Variants in SULT6B1 observed in about 807,000 individuals in gnomAD.
SULT6B1 encodes the protein sulfotransferase family 6B member 1.
Under a neutral mutation model 37.2 loss-of-function variants are expected in SULT6B1, and 44 were observed. The observed-to-expected ratio is 1.18, with a 90% CI of 0.93 to 1.52. The LOEUF is 1.52. SULT6B1 is among the 40% of genes most tolerant of loss of function. The probability of loss-of-function intolerance (pLI) is 0.00; values close to 1 mark genes in which losing one functional copy is unlikely to be tolerated. For missense variants in SULT6B1, 450 were observed against 361.0 expected, an observed-to-expected ratio of 1.25 and a Z score of -2.00; for synonymous variants, 140 against 126.0, an observed-to-expected ratio of 1.11 and a Z score of -0.74.
At chr2:37,185,724 A>AAAAAAAAAC (rs1373136631) in intron 2 of SULT6B1, among the ~76,000 whole-genome samples, 14 of 131,454 alleles carry the variant, frequency 1.1e-4, no homozygotes, top group Admixed American at 1.0e-3. Flanking sequence ...TTTCAAAAAA[A>AAAAAAAAAC]AAAAAAAAAA....
intron 4 of SULT6B1, among the ~76,000 whole-genome samples, chr2:37,176,259 G>GA (rs1676425062): frequency 9.4e-6 from 1 of 106,300 alleles, no homozygotes; most frequent in Non-Finnish European, 1.8e-5. Flanking sequence ...ACACGCAATA[G>GA]CTTTTTTTTT....
At chr2:37,187,690 C>T (rs1242195738) in intron 1 of SULT6B1, among the ~76,000 whole-genome samples, 5 of 152,154 alleles carry the variant, frequency 3.3e-5, no homozygotes, top group African/African-American at 1.2e-4. Flanking sequence ...GAACAGATGG[C>T]TCCTTTAACA....
chr2:37,187,856 A>T (rs1676707171), intron 1 of SULT6B1, among the ~76,000 whole-genome samples: 1 of 148,818 alleles, frequency 6.7e-6, no homozygotes, highest in African/African-American at 2.4e-5. Flanking sequence ...AAAACACAGC[A>T]TCAGTTAAGA....
At chr2:37,176,260 C>CCT (rs1676425162) in intron 4 of SULT6B1, among the ~76,000 whole-genome samples, 1 of 112,590 alleles carries the variant, frequency 8.9e-6, no homozygotes, top group African/African-American at 3.5e-5. Flanking sequence ...CACGCAATAG[C>CCT]TTTTTTTTTT....
chr2:37,172,104 G>A (rs905895617), intron 5 of SULT6B1, among the ~76,000 whole-genome samples: 4 of 150,760 alleles, frequency 2.7e-5, no homozygotes, highest in Non-Finnish European at 4.4e-5. Flanking sequence ...CTAGAGTGGT[G>A]CAAGGGCACA....
At chr2:37,168,281 C>T (rs1572452510) in intron 6 of SULT6B1, among the ~76,000 whole-genome samples, 1 of 152,118 alleles carries the variant, frequency 6.6e-6, no homozygotes, top group Admixed American at 6.6e-5. Context: ...CCTGCCTTAG[C>T]CTACCGAGTA....
At position 37,187,369 on chromosome 2, in the gene SULT6B1, A is replaced by G. The variant is rs1332370440; in HGVS notation, c.298T>C (p.Ser100Pro). The G allele has an allele frequency of 1.3e-6, 2 of 1,597,316 alleles. No individual in the cohort carries two copies. Among genetic ancestry groups the G allele is most frequent in the Non-Finnish European group, 1.7e-6 (2 of 1,166,670 alleles). ...GTTGTACTAACCTGATATTTTTCTG[A>G]ATCCCCACATTCAAGAACTGGGAAT... The part of the protein sequence containing the change: ...PEFPVLECGD[S>P]EKYQRMKGFP... The change falls in exon 2 of 7, where the codon TCA (serine) becomes CCA (proline). Residue 100 changes from serine (S) to proline (P), a missense_variant. Coordinates refer to ENST00000535679, the MANE Select transcript of SULT6B1 (RefSeq NM_001367551.1).
Position 37,179,456 on chromosome 2 carries a change from A to G in SULT6B1, c.529+2T>C. 6.2e-6 allele frequency: 10 copies of G among 1,613,374 alleles called. No homozygotes were observed. The highest frequency in any genetic ancestry group is 8.5e-6 in the Non-Finnish European group (10 of 1,179,920). ...GAATAATTCTTTTACCAACAGCCAT[A>G]CCTTGTCCTTTCATGAACTGTCTGA... is the stretch of plus-strand genomic sequence containing the variant. On this transcript the variant is annotated splice_donor_variant, in intron 4 of 6. Coordinates refer to ENST00000535679, the MANE Select transcript of SULT6B1 (RefSeq NM_001367551.1). LOFTEE classifies it high-confidence loss of function.
chr2:37,188,430 C>T lies in SULT6B1; in HGVS notation c.199+12G>A, dbSNP rs1395709889. 6.2e-7 allele frequency: 1 copy of T among 1,610,090 alleles called. No individual in the cohort carries two copies. Among genetic ancestry groups the T allele is most frequent in the South Asian group, 1.1e-5 (1 of 90,742 alleles). ...TGAGAAGTGTACTTGTAGGAAACGA[C>T]TTGTCATTTACCGCACTTTGGATAA... is the stretch of plus-strand genomic sequence containing the variant. On this transcript the variant is annotated intron_variant, in intron 1 of 6. Transcript: ENST00000535679.
At chr2:37,185,558 A>T (rs1182803234) in intron 2 of SULT6B1, among the ~76,000 whole-genome samples, 1 of 151,960 alleles carries the variant, frequency 6.6e-6, no homozygotes, top group Non-Finnish European at 1.5e-5. Flanking sequence ...CTCTACTAAA[A>T]ATACAAAACA....
At chr2:37,188,192 C>T (rs1182769410) in intron 1 of SULT6B1, among the ~76,000 whole-genome samples, 3 of 152,176 alleles carry the variant, frequency 2.0e-5, no homozygotes, top group East Asian at 1.9e-4. Context: ...CATCCACCCC[C>T]TTCTGCCCTC....
intron 1 of SULT6B1, chr2:37,194,802 T>G (rs1236093051): frequency 6.4e-6 from 1 of 156,596 alleles, no homozygotes; most frequent in African/African-American, 2.4e-5. Flanking sequence ...CCTCTTTTCT[T>G]TTTTTCAATC....
intron 3 of SULT6B1, among the ~76,000 whole-genome samples, chr2:37,181,532 A>G (rs6722371): frequency 0.27 from 41,471 of 151,806 alleles, 6,745 homozygotes; most frequent in East Asian, 0.78. Flanking sequence ...GCGGTGCACC[A>G]CCATGCCCGG....
chr2:37,179,741 G>A (rs1320552158), intron 3 of SULT6B1, among the ~76,000 whole-genome samples, 157 bp from the exon 4 acceptor site: 1 of 152,176 alleles, frequency 6.6e-6, no homozygotes, highest in African/African-American at 2.4e-5. Context: ...ACAGGAGGTG[G>A]CTGATGGGGA....
chr2:37,186,603 C>A (rs531619361), intron 2 of SULT6B1, among the ~76,000 whole-genome samples: 3 of 152,172 alleles, frequency 2.0e-5, no homozygotes, highest in Admixed American at 2.0e-4. Flanking sequence ...AATCAAAAAT[C>A]ATGTCTGGCT....
intron 1 of SULT6B1, among the ~76,000 whole-genome samples, chr2:37,195,702 A>G (rs902321958): frequency 6.6e-6 from 1 of 152,106 alleles, no homozygotes; most frequent in Admixed American, 6.5e-5. Context: ...GTACTTCAAT[A>G]TACTTTTATA....
chr2:37,175,888 A>C (rs538830329), intron 4 of SULT6B1, among the ~76,000 whole-genome samples: 60 of 152,366 alleles, frequency 3.9e-4, no homozygotes, highest in African/African-American at 1.4e-3. Context: ...TACAGTTTAA[A>C]AAGTATATTC....
At chr2:37,183,557 CAT>C (rs1491233985) in intron 2 of SULT6B1, 43 bp from the exon 3 acceptor site, 22 of 1,460,808 alleles carry the variant, frequency 1.5e-5, no homozygotes, top group East Asian at 2.3e-5. Flanking sequence ...CACGTGTGTG[CAT>C]GTGTGTGTGT....
At chr2:37,172,101 G>T (rs1236356417) in intron 5 of SULT6B1, among the ~76,000 whole-genome samples, 1 of 151,270 alleles carries the variant, frequency 6.6e-6, no homozygotes, top group East Asian at 1.9e-4. Context: ...AGACTAGAGT[G>T]GTGCAAGGGC....
Sources: allele counts gnomAD v4.1 joint callset (sites outside exome capture counted in the v4.1 genomes callset), GRCh38; gene constraint gnomAD v4.1.1; transcripts MANE v1.5; gene names NCBI Gene and HGNC (gene_info 2026-07-23, HGNC 2026-07-21).